Variants in PROKR1 observed in about 807,000 individuals in gnomAD.
PROKR1 encodes the protein prokineticin receptor 1.
In PROKR1, 21 loss-of-function variants were observed where a neutral mutation model predicts 22.8. That is an observed-to-expected ratio of 0.92 (90% CI 0.65 to 1.32). The LOEUF (loss-of-function observed/expected upper bound fraction) is 1.32. PROKR1 is among the 40% of genes most tolerant of loss of function. The pLI, the probability that PROKR1 is intolerant of heterozygous loss-of-function variation, is 0.00. For missense variants in PROKR1, 548 were observed against 514.2 expected (o/e 1.07, Z -0.64); for synonymous variants, 193 against 207.5 (o/e 0.93, Z 0.60).
chr2:68,655,094 C>T lies in PROKR1; in HGVS notation c.700C>T (p.Leu234Phe), dbSNP rs754957096. ...GCAGCTCTACTACAAGTCCTACTTCCTCTTTATCTTTGGCATAGAATTCGT... is the reference window on the plus strand; with the variant it reads ...GCAGCTCTACTACAAGTCCTACTTCTTCTTTATCTTTGGCATAGAATTCGT... ...DQQLYYKSYF[L>F]FIFGIEFVGP... Residue 234 changes from leucine to phenylalanine, a missense_variant, in exon 3 of 3, where the codon CTC becomes TTC. Leu to Phe is a conservative substitution (Grantham distance 22). Coordinates refer to ENST00000303786, the MANE Select transcript of PROKR1 (RefSeq NM_138964.4). The T allele has an allele frequency of 2.5e-6, 4 of 1,614,150 alleles. No individual in the cohort carries two copies. The highest frequency in any genetic ancestry group is 2.2e-5 in the East Asian group (1 of 44,870).
intron 2 of PROKR1, among the ~76,000 whole-genome samples, chr2:68,652,957 A>G (rs1474322318): frequency 6.6e-6 from 1 of 152,226 alleles, no homozygotes; most frequent in East Asian, 1.9e-4. Context: ...CGGGAAAAGG[A>G]ATAGAATTAT....
Position 68,655,551 on chromosome 2 carries a change from A to T in PROKR1, c.1157A>T (p.Glu386Val). The stretch of plus-strand genomic sequence containing the variant: ...ACAATTGGGATGCCTGCCACCGAAG[A>T]GGTGGACTGCATCAGACTAAAATAA... ...LKTIGMPATE[E>V]VDCIRLK The change falls in exon 3 of 3, where the codon GAG (glutamate) becomes GTG (valine). Residue 386 changes from glutamate (E) to valine (V), a missense_variant. By Grantham distance (121) the Glu-to-Val change is moderately radical. Coordinates refer to ENST00000303786, the MANE Select transcript of PROKR1 (RefSeq NM_138964.4). The T allele has an allele frequency of 6.2e-7, 1 of 1,614,168 alleles. No individual in the cohort carries two copies. Among genetic ancestry groups the T allele is most frequent in the Non-Finnish European group, 8.5e-7 (1 of 1,180,016 alleles).
chr2:68,645,941 C>G lies in PROKR1; in HGVS notation c.120C>G (p.Ser40Arg). 1 of 1,614,202 alleles carries G rather than the reference C, an allele frequency of 6.2e-7. No individual in the cohort carries two copies. The highest frequency in any genetic ancestry group is 8.5e-7 in the Non-Finnish European group (1 of 1,180,040). ...ATSFPFNFSYSDYDMPLDEDE... is the reference protein window; with the variant it reads ...ATSFPFNFSYRDYDMPLDEDE... ...CCTTCCCATTCAACTTCAGCTACAG[C>G]GACTATGATATGCCTTTGGATGAAG... Residue 40 changes from serine (S) to arginine (R), a missense_variant, in exon 2 of 3, where the codon AGC becomes AGG. Transcript: ENST00000303786.
At chr2:68,647,635 G>A (rs1673218942) in intron 2 of PROKR1, among the ~76,000 whole-genome samples, 1 of 152,066 alleles carries the variant, frequency 6.6e-6, no homozygotes, top group Non-Finnish European at 1.5e-5. Flanking sequence ...TGAAAAAAGG[G>A]GGTTACCAAG....
At chr2:68,651,203 G>GA (rs34036623) in intron 2 of PROKR1, among the ~76,000 whole-genome samples, 36,684 of 150,048 alleles carry the variant, frequency 0.24, 4,635 homozygotes, top group Middle Eastern at 0.32. Context: ...CTCTACAAAA[G>GA]AAAAAAAAAA....
intron 2 of PROKR1, among the ~76,000 whole-genome samples, chr2:68,648,556 G>A (rs1673239957): frequency 1.3e-5 from 2 of 152,294 alleles, no homozygotes; most frequent in African/African-American, 4.8e-5. Flanking sequence ...TGGTCTTGGT[G>A]GATGAATGGC....
rs749092128 is a variant in PROKR1, at chr2:68,652,947, C to T, written c.486-1933C>T. ...TCATAAAGGCTTAGGTAGCTACTAT[C>T]GGGAAAAGGAATAGAATTATGTGGT... On this transcript the variant is annotated intron_variant, in intron 2 of 2. Coordinates refer to ENST00000303786, the MANE Select transcript of PROKR1 (RefSeq NM_138964.4). Among the ~76,000 whole-genome samples the T allele has an allele frequency of 2.3e-4, 35 of 152,132 alleles. 1 individual carries two copies. In the South Asian group the frequency reaches 2.7e-3, roughly 12 times the overall value.
In PROKR1 at chr2:68,655,042, C is replaced by T; in HGVS notation, c.648C>T (p.Phe216=). ...TTGTCAAGAGCCAGGAAAAGATCTT[C>T]TGCGGCCAGATCTGGCCTGTGGACC... ...LVIVKSQEKI[F]CGQIWPVDQQ... Residue 216 remains phenylalanine, a synonymous_variant, in exon 3 of 3, where the codon TTC becomes TTT. Transcript: ENST00000303786. 6.2e-7 allele frequency: 1 copy of T among 1,614,010 alleles called. No individual in the cohort carries two copies. Among genetic ancestry groups the T allele is most frequent in the Non-Finnish European group, 8.5e-7 (1 of 1,180,008 alleles).
chr2:68,647,079 G>T (rs903589491), intron 2 of PROKR1, among the ~76,000 whole-genome samples: 22 of 151,340 alleles, frequency 1.5e-4, no homozygotes, highest in African/African-American at 4.9e-4. Context: ...AAAATAAAAA[G>T]ATTGAGGGAT....
At chr2:68,652,027 GA>G (rs1016973910) in intron 2 of PROKR1, among the ~76,000 whole-genome samples, 1 of 152,214 alleles carries the variant, frequency 6.6e-6, no homozygotes, top group African/African-American at 2.4e-5. Flanking sequence ...GGGATGCCAG[GA>G]AGGCAAGAGG....
chr2:68,644,722 C>T (rs555531966), intron 1 of PROKR1, among the ~76,000 whole-genome samples: 29 of 152,158 alleles, frequency 1.9e-4, no homozygotes, highest in Non-Finnish European at 3.7e-4. Context: ...CCTCCTTCTA[C>T]GTCCCACTCC....
At position 68,646,232 on chromosome 2, in the gene PROKR1, C is replaced by T. The variant is rs1028929197; in HGVS notation, c.411C>T (p.Cys137=). The T allele has an allele frequency of 1.2e-6, 2 of 1,613,752 alleles. No homozygotes were observed. Among genetic ancestry groups the T allele is most frequent in the African/African-American group, 2.7e-5 (2 of 74,932 alleles). The part of the protein sequence containing the change: ...QLSWEHGHVL[C]TSVNYLRTVS... ...CCTGGGAGCACGGCCACGTCCTGTG[C>T]ACCTCTGTCAACTACCTGCGCACTG... Residue 137 remains cysteine (C), a synonymous_variant, in exon 2 of 3, where the codon TGC becomes TGT. Coordinates refer to ENST00000303786, the MANE Select transcript of PROKR1 (RefSeq NM_138964.4).
rs1294455049 is a variant in PROKR1, at chr2:68,657,540, GC to G, written c.*1965del. On this transcript the variant is annotated 3_prime_UTR_variant, in exon 3 of 3. Coordinates refer to ENST00000303786, the MANE Select transcript of PROKR1 (RefSeq NM_138964.4). Reference sequence around the variant, plus strand: ...GGAGTATCTTTGTGATACTAGAAGTGCTGATCATCTTCCCATGACTGTTCCC... The same window carrying G: ...GGAGTATCTTTGTGATACTAGAAGTGTGATCATCTTCCCATGACTGTTCCC... 8.5e-5 allele frequency: 13 copies of G among 152,224 alleles called. No homozygotes were observed. The highest frequency in any genetic ancestry group is 3.1e-4 in the African/African-American group (13 of 41,446). The allele number at this position is 152,224 out of a possible 1,614,324, so 9.4% of individuals were successfully genotyped here.
rs202062129 is a variant in PROKR1, at chr2:68,645,899, T to C, written c.78T>C (p.His26=). ...GCTTCCTTTCTGTGCTCAACCCTCATGGAGCCCATGCCACTTCCTTCCCAT... is the reference window on the plus strand; with the variant it reads ...GCTTCCTTTCTGTGCTCAACCCTCACGGAGCCCATGCCACTTCCTTCCCAT... The part of the protein sequence containing the change: ...STSFLSVLNP[H]GAHATSFPFN... The change falls in exon 2 of 3, where the codon CAT becomes CAC. Residue 26 remains histidine, a synonymous_variant. Transcript: ENST00000303786. The C allele has an allele frequency of 1.6e-5, 26 of 1,614,230 alleles. No homozygotes were observed. Among genetic ancestry groups the C allele is most frequent in the Non-Finnish European group, 2.2e-5 (26 of 1,180,034 alleles).
At chr2:68,649,863 CAG>C (rs1269255403) in intron 2 of PROKR1, among the ~76,000 whole-genome samples, 3 of 152,106 alleles carry the variant, frequency 2.0e-5, no homozygotes, top group East Asian at 3.9e-4. Flanking sequence ...GTTCTACAAA[CAG>C]AGGAACAGAG....
In PROKR1 at chr2:68,655,681, T is replaced by A; in HGVS notation, c.*105T>A. 1.8e-6 allele frequency: 2 copies of A among 1,107,004 alleles called. No homozygotes were observed. Among genetic ancestry groups the A allele is most frequent in the Non-Finnish European group, 2.7e-6 (2 of 753,772 alleles). 68.6% of individuals were successfully genotyped at this position (1,107,004 alleles called of 1,614,324 possible). ...GGAACTTTTTGTTTGCTGCAGAGGGTAAAGTAAATGGACCACTCTGTGAGC... is the reference window on the plus strand; with the variant it reads ...GGAACTTTTTGTTTGCTGCAGAGGGAAAAGTAAATGGACCACTCTGTGAGC... On this transcript the variant is annotated 3_prime_UTR_variant, in exon 3 of 3. Transcript: ENST00000303786.
At position 68,650,795 on chromosome 2, in the gene PROKR1, G is replaced by A. The variant is rs112446039; in HGVS notation, c.486-4085G>A. 7.3e-3 allele frequency among the ~76,000 whole-genome samples: 1,108 copies of A among 152,208 alleles called. 17 individuals carry two copies. The highest frequency in any genetic ancestry group is 0.025 in the African/African-American group (1,033 of 41,528). ...GAGAAGGGTGAGATCATTTTGTGCC[G>A]GAGTAGTCAGAGGAGGCTTCATGGA... On this transcript the variant is annotated intron_variant, in intron 2 of 2. Transcript: ENST00000303786.
rs577846120 is a variant in PROKR1, at chr2:68,647,448, A to G, written c.485+1142A>G. ...CTGAACAGCCTGTCTCTCTCCTTTAACCCAGAGAGCCTGAGGCATACATGC... is the reference window on the plus strand; with the variant it reads ...CTGAACAGCCTGTCTCTCTCCTTTAGCCCAGAGAGCCTGAGGCATACATGC... On this transcript the variant is annotated intron_variant, in intron 2 of 2. Coordinates refer to ENST00000303786, the MANE Select transcript of PROKR1 (RefSeq NM_138964.4). 3.9e-5 allele frequency among the ~76,000 whole-genome samples: 6 copies of G among 152,122 alleles called. No homozygotes were observed. The East Asian group carries it at 1.2e-3, about 29-fold the overall frequency.
intron 2 of PROKR1, among the ~76,000 whole-genome samples, chr2:68,651,233 T>C (rs1031098761): frequency 2.6e-5 from 4 of 152,024 alleles, no homozygotes; most frequent in Admixed American, 2.6e-4. Flanking sequence ...CATGGTGGCA[T>C]GTGCCTGTAG....
Sources: allele counts gnomAD v4.1 joint callset (sites outside exome capture counted in the v4.1 genomes callset), GRCh38; gene constraint gnomAD v4.1.1; transcripts MANE v1.5; gene names NCBI Gene and HGNC (gene_info 2026-07-23, HGNC 2026-07-21).